Variants in SLC9A3 observed in about 807,000 individuals in gnomAD.
The protein encoded by SLC9A3 is solute carrier family 9 member A3, also known as sodium/hydrogen exchanger 3.
In SLC9A3, 37 loss-of-function variants were observed where a neutral mutation model predicts 86.8. The observed-to-expected ratio is 0.43, with a 90% CI of 0.33 to 0.56. The LOEUF (loss-of-function observed/expected upper bound fraction) is 0.56. Ranked by LOEUF, SLC9A3 falls within the 20% of genes least tolerant of loss-of-function variation. The probability of loss-of-function intolerance (pLI) is 0.06; values close to 1 mark genes in which losing one functional copy is unlikely to be tolerated. For missense variants in SLC9A3, 1,011 were observed against 1,171.9 expected (o/e 0.86, Z 2.00); for synonymous variants, 581 against 528.3 (o/e 1.10, Z -1.37).
chr5:475,829 G>A (rs896903860), intron 14 of SLC9A3, among the ~76,000 whole-genome samples, 158 bp from the exon 15 acceptor site: 21 of 152,224 alleles, frequency 1.4e-4, no homozygotes, highest in Middle Eastern at 3.4e-3. Context: ...ACCCCACTTA[G>A]AGGGCAGTGT....
At position 472,724 on chromosome 5, in the gene SLC9A3, C is replaced by T. The variant is rs1295729716; in HGVS notation, c.*655G>A. On this transcript the variant is annotated 3_prime_UTR_variant, in exon 17 of 17. Transcript: ENST00000264938. ...GAGGGCCTGGAAACGGCGCTCGGCC[C>T]AGGCCGCTTGCGGGCGCTGGGCCTG... 3.5e-6 allele frequency: 2 copies of T among 569,722 alleles called. No individual in the cohort carries two copies. The highest frequency in any genetic ancestry group is 3.8e-5 in the African/African-American group (2 of 53,070). 35.3% of individuals were successfully genotyped at this position (569,722 alleles called of 1,614,324 possible). A position where few individuals can be genotyped will look rare whatever the true frequency, so the allele number is the denominator to read the frequency against.
chr5:524,257 C>T lies in SLC9A3; in HGVS notation c.66G>A (p.Leu22=), dbSNP rs1235674427. Residue 22 remains leucine (L), a synonymous_variant, in exon 1 of 17, where the codon CTG becomes CTA. Coordinates refer to ENST00000264938, the MANE Select transcript of SLC9A3 (RefSeq NM_004174.4). ...GLLLALALGG[L]ARAGGVEVEP... Reference sequence around the variant, plus strand: ...CCACCTCGACGCCCCCGGCCCGCGCCAGCCCGCCCAGCGCCAGCGCCAGCA... The same window carrying T: ...CCACCTCGACGCCCCCGGCCCGCGCTAGCCCGCCCAGCGCCAGCGCCAGCA... The T allele has an allele frequency of 7.1e-7, 1 of 1,409,318 alleles. No individual in the cohort carries two copies. The highest frequency in any genetic ancestry group is 9.3e-7 in the Non-Finnish European group (1 of 1,078,044). The allele number at this position is 1,409,318 out of a possible 1,614,324, so 87.3% of individuals were successfully genotyped here. A position where few individuals can be genotyped will look rare whatever the true frequency, so the allele number is the denominator to read the frequency against.
At chr5:516,094 T>A (rs1733725656) in intron 1 of SLC9A3, among the ~76,000 whole-genome samples, 1 of 134,458 alleles carries the variant, frequency 7.4e-6, no homozygotes. Context: ...TCATCCACAC[T>A]TTTTGCCTCG....
At chr5:476,899 T>G (rs1738779556) in intron 11 of SLC9A3, among the ~76,000 whole-genome samples, 1 of 152,242 alleles carries the variant, frequency 6.6e-6, no homozygotes, top group Non-Finnish European at 1.5e-5. Flanking sequence ...GCCTCCTGTC[T>G]GAAGTGGGTC....
At chr5:502,103 T>C (rs1740304893) in intron 1 of SLC9A3, among the ~76,000 whole-genome samples, 1 of 152,258 alleles carries the variant, frequency 6.6e-6, no homozygotes, top group Non-Finnish European at 1.5e-5. Flanking sequence ...GGTTTTTAAA[T>C]TGAAACATGA....
At chr5:473,964 G>A (rs1461787700) in intron 16 of SLC9A3, among the ~76,000 whole-genome samples, 1 of 152,246 alleles carries the variant, frequency 6.6e-6, no homozygotes, top group African/African-American at 2.4e-5. Flanking sequence ...CCACCTAAAG[G>A]AAATCTCAGG....
intron 1 of SLC9A3, among the ~76,000 whole-genome samples, chr5:507,567 G>A (rs913828362): frequency 7.9e-5 from 12 of 151,502 alleles, no homozygotes; most frequent in Admixed American, 7.2e-4. Context: ...GCCCATTCTG[G>A]GGGGATCCAA....
At position 497,755 on chromosome 5, in the gene SLC9A3, G is replaced by GCCGGTCAGCTA. The variant is rs1740088475; in HGVS notation, c.212-5685_212-5684insTAGCTGACCGG. ...GGCCGCATCCCCAGCCTCTGCCCCT[G>GCCGGTCAGCTA]TCCCGGGTGGGGTCGCCCGGCCGCA... On this transcript the variant is annotated intron_variant, in intron 1 of 16. Transcript: ENST00000264938. This position sits in a 1 kb window ranked among gnomAD's most constrained non-coding sequence, Gnocchi z 5.4. 1.0e-5 allele frequency among the ~76,000 whole-genome samples: 1 copy of GCCGGTCAGCTA among 99,654 alleles called. No individual in the cohort carries two copies. The highest frequency in any genetic ancestry group is 4.3e-4 in the South Asian group (1 of 2,300). The allele number at this position is 99,654 out of a possible 152,430, so 65.4% of individuals were successfully genotyped here. A position where few individuals can be genotyped will look rare whatever the true frequency, so the allele number is the denominator to read the frequency against.
intron 1 of SLC9A3, among the ~76,000 whole-genome samples, chr5:492,812 CTGTG>C (rs2126632027): frequency 6.6e-6 from 1 of 152,292 alleles, no homozygotes; most frequent in Non-Finnish European, 1.5e-5. Flanking sequence ...TTGAGGCTGG[CTGTG>C]TTTCAGACCC....
At chr5:521,241 C>T (rs1314412201) in intron 1 of SLC9A3, among the ~76,000 whole-genome samples, 15 of 152,256 alleles carry the variant, frequency 9.9e-5, no homozygotes, top group Non-Finnish European at 5.9e-5. Flanking sequence ...GAGCCAGACA[C>T]GCGGCCTGAG....
intron 1 of SLC9A3, among the ~76,000 whole-genome samples, chr5:509,654 C>T (rs879391155): frequency 6.6e-6 from 1 of 152,116 alleles, no homozygotes; most frequent in Non-Finnish European, 1.5e-5. Context: ...ACCAAGCTTG[C>T]GGTTCCAGAC....
At chr5:473,426 TGGGGCGGGA>T (rs1738513135) in intron 16 of SLC9A3, 44 bp from the exon 17 acceptor site, 2 of 1,359,970 alleles carry the variant, frequency 1.5e-6, no homozygotes, top group Non-Finnish European at 1.9e-6. Flanking sequence ...GCCCGGGCGC[TGGGGCGGGA>T]GGGGCGTCCC....
At chr5:482,227 C>G (rs1293956017) in intron 7 of SLC9A3, 70 bp from the exon 8 acceptor site, 10 of 1,185,222 alleles carry the variant, frequency 8.4e-6, no homozygotes, top group Non-Finnish European at 1.2e-5. Context: ...GCCAGGTGCA[C>G]CACACAGAGC....
In SLC9A3 at chr5:481,666, G is replaced by A. The variant is rs200573959; in HGVS notation, c.1447-31C>T. 4.3e-5 allele frequency: 69 copies of A among 1,594,424 alleles called. 1 individual carries two copies. Among genetic ancestry groups the A allele is most frequent in the African/African-American group, 3.8e-4 (28 of 74,576 alleles). ...AAGGGAAGAAAGACATGAGCGTCTC[G>A]GGGCGGCCAACCGGGGAACATGAGG... On this transcript the variant is annotated intron_variant, in intron 8 of 16. Coordinates refer to ENST00000264938, the MANE Select transcript of SLC9A3 (RefSeq NM_004174.4).
rs770243704 is a variant in SLC9A3 at position 472,007 on chromosome 5, G to A, written c.*1372C>T. 6.6e-6 allele frequency: 3 copies of A among 456,520 alleles called. No individual in the cohort carries two copies. Among genetic ancestry groups the A allele is most frequent in the South Asian group, 1.5e-5 (1 of 64,576 alleles). 28.3% of individuals were successfully genotyped at this position (456,520 alleles called of 1,614,324 possible). ...TTAATTTTCCTGAGCAAGGAGCTGCGAGTCTAGCTTTAGAAAAGCCCCTAG... is the reference window on the plus strand; with the variant it reads ...TTAATTTTCCTGAGCAAGGAGCTGCAAGTCTAGCTTTAGAAAAGCCCCTAG... On this transcript the variant is annotated 3_prime_UTR_variant, in exon 17 of 17. Transcript: ENST00000264938.
Position 471,374 on chromosome 5 carries a change from A to C in SLC9A3, c.*2005T>G. The C allele has an allele frequency of 4.2e-6, 1 of 240,826 alleles. No individual in the cohort carries two copies. Among genetic ancestry groups the C allele is most frequent in the South Asian group, 5.1e-5 (1 of 19,520 alleles). The allele number at this position is 240,826 out of a possible 1,614,324, so 14.9% of individuals were successfully genotyped here. On this transcript the variant is annotated 3_prime_UTR_variant, in exon 17 of 17. Transcript: ENST00000264938. ...GAGTTGTTCAGCGCCTGGAATCGCC[A>C]TGCATTGCGCGGTGGACCGCACGAC...
chr5:478,816 G>A (rs1432458079), intron 10 of SLC9A3: 1 of 154,836 alleles, frequency 6.5e-6, no homozygotes, highest in African/African-American at 2.4e-5. Flanking sequence ...CTGTGGTTTG[G>A]GGGTTTGTGT....
rs766919285 is a variant in SLC9A3 at position 524,081 on chromosome 5, G to A, written c.211+31C>T. The stretch of plus-strand genomic sequence containing the variant: ...CAGCAGAGGCGGCCGCACACCCCGC[G>A]GGCAGATCCGGAGACCCCGGGGCCA... On this transcript the variant is annotated intron_variant, in intron 1 of 16. Transcript: ENST00000264938. 1.3e-5 allele frequency: 18 copies of A among 1,422,322 alleles called. No individual in the cohort carries two copies. The South Asian group carries it at 2.4e-4, about 19-fold the overall frequency. The allele number at this position is 1,422,322 out of a possible 1,614,324, so 88.1% of individuals were successfully genotyped here.
At position 497,508 on chromosome 5, in the gene SLC9A3, C is replaced by T. The variant is rs574196739; in HGVS notation, c.212-5437G>A. 1.8e-4 allele frequency among the ~76,000 whole-genome samples: 28 copies of T among 152,316 alleles called. No homozygotes were observed. The highest frequency in any genetic ancestry group is 5.8e-4 in the African/African-American group (24 of 41,558). On this transcript the variant is annotated intron_variant, in intron 1 of 16. Transcript: ENST00000264938. This position sits in a 1 kb window ranked among gnomAD's most constrained non-coding sequence, Gnocchi z 5.4. ...GCCGGACTTTGCTTAGTTCACCTGTCGGAGCCACTCGTTCACGTTTATCTC... is the reference window on the plus strand; with the variant it reads ...GCCGGACTTTGCTTAGTTCACCTGTTGGAGCCACTCGTTCACGTTTATCTC...
Sources: allele counts gnomAD v4.1 joint callset (sites outside exome capture counted in the v4.1 genomes callset), GRCh38; gene constraint gnomAD v4.1.1; non-coding constraint Gnocchi (gnomAD v3.1); transcripts MANE v1.5; gene names NCBI Gene and HGNC (gene_info 2026-07-23, HGNC 2026-07-21).